Variants in SLC37A2 observed in about 807,000 individuals in gnomAD.
SLC37A2 encodes the protein solute carrier family 37 member 2, also known as glucose-6-phosphate exchanger SLC37A2.
A neutral mutation model predicts 70.7 loss-of-function variants in SLC37A2; 59 were observed. The ratio of observed to expected loss-of-function variants is 0.83; its 90% CI spans 0.68 to 1.04. SLC37A2 has a LOEUF of 1.04. SLC37A2 is among the 50% of genes least tolerant of loss of function. SLC37A2 has a pLI of 0.00. For synonymous variants in SLC37A2, 257 were observed against 262.1 expected, an observed-to-expected ratio of 0.98 and a Z score of 0.19; for missense variants, 580 against 658.1, an observed-to-expected ratio of 0.88 and a Z score of 1.30.
chr11:125,086,572 A>G, intron 17 of SLC37A2: 1 of 383,342 alleles, frequency 2.6e-6, no homozygotes. Context: ...TGCCTCCTGA[A>G]GTTCAGAAAC....
In SLC37A2 at chr11:125,090,089, G is replaced by A. The variant is rs1049113415; in HGVS notation, c.*1955G>A. 6.6e-6 allele frequency: 1 copy of A among 152,318 alleles called. No homozygotes were observed. Among genetic ancestry groups the A allele is most frequent in the Non-Finnish European group, 1.5e-5 (1 of 68,114 alleles). 9.4% of individuals were successfully genotyped at this position (152,318 alleles called of 1,614,324 possible). A position where few individuals can be genotyped will look rare whatever the true frequency, so the allele number is the denominator to read the frequency against. ...ACACTCTGTATCTAGCTGCTCTGGT[G>A]GGGCCTCGGAGAACCTTTATATCTA... On this transcript the variant is annotated 3_prime_UTR_variant, in exon 18 of 18. Transcript: ENST00000403796.
At position 125,080,867 on chromosome 11, in the gene SLC37A2, G is replaced by T. The variant is rs1949139435; in HGVS notation, c.694+87G>T. On this transcript the variant is annotated intron_variant, in intron 7 of 17. Coordinates refer to ENST00000403796, the MANE Select transcript of SLC37A2 (RefSeq NM_001145290.2). The surrounding 1 kb of genome is among the most constrained non-coding windows in gnomAD (Gnocchi z 4.3). The stretch of plus-strand genomic sequence containing the variant: ...AGCTGGATCTACTGGAAAGATTGCT[G>T]GTCACAGAGTGGGAGGACCAGCCGT... 3.3e-6 allele frequency: 4 copies of T among 1,230,700 alleles called. No individual in the cohort carries two copies. Among genetic ancestry groups the T allele is most frequent in the Non-Finnish European group, 4.2e-6 (4 of 948,020 alleles). 76.2% of individuals were successfully genotyped at this position (1,230,700 alleles called of 1,614,324 possible).
intron 1 of SLC37A2, among the ~76,000 whole-genome samples, chr11:125,076,396 C>T (rs1949087987): frequency 6.6e-6 from 1 of 152,174 alleles, no homozygotes; most frequent in African/African-American, 2.4e-5. Flanking sequence ...ACTCAAACTC[C>T]CTGCCCCCAC....
rs762491900 is a variant in SLC37A2, at chr11:125,079,143, T to G, written c.346T>G (p.Tyr116Asp). The G allele has an allele frequency of 1.9e-6, 3 of 1,614,132 alleles. No homozygotes were observed. In the South Asian group the frequency reaches 3.3e-5, roughly 18 times the overall value. The change falls in exon 5 of 18, where the codon TAC becomes GAC. Residue 116 changes from tyrosine to aspartate, a missense_variant. By Grantham distance (160) the Tyr-to-Asp change is radical. Coordinates refer to ENST00000403796, the MANE Select transcript of SLC37A2 (RefSeq NM_001145290.2). ...TTTTGGGGAGCGGCTTCCGCTCCGT[T>G]ACTACCTCTCAGCTGGAATGCTGCT... ...GVFGERLPLR[Y>D]YLSAGMLLSG...
At chr11:125,075,318 T>G (rs1949071721) in intron 1 of SLC37A2, among the ~76,000 whole-genome samples, 1 of 152,218 alleles carries the variant, frequency 6.6e-6, no homozygotes, top group Admixed American at 6.5e-5. Context: ...ATGAGCCATA[T>G]GGCAACAGGT....
intron 7 of SLC37A2, 83 bp from the exon 8 acceptor site, chr11:125,081,338 T>C: frequency 7.4e-7 from 1 of 1,353,520 alleles, no homozygotes; most frequent in Non-Finnish European, 1.0e-6. Context: ...TTAGATCCAG[T>C]GCAAGGTGAG....
intron 1 of SLC37A2, among the ~76,000 whole-genome samples, chr11:125,075,803 T>G (rs1228295068): frequency 6.6e-6 from 1 of 152,188 alleles, no homozygotes; most frequent in African/African-American, 2.4e-5. Flanking sequence ...GCCCTTGGGC[T>G]CTTGGAGCCA....
rs1436881367 is a variant in SLC37A2 at position 125,085,665 on chromosome 11, A to C, written c.1416A>C (p.Leu472=). 1.9e-6 allele frequency: 3 copies of C among 1,612,822 alleles called. No individual in the cohort carries two copies. Among genetic ancestry groups the C allele is most frequent in the African/African-American group, 2.7e-5 (2 of 74,954 alleles). Residue 472 remains leucine (L), a synonymous_variant, in exon 16 of 18, where the codon CTA becomes CTC. Transcript: ENST00000403796. ...ACATGCTCATCTCTGCCGACGTCCT[A>C]GCCTGCTTGGTAAGAGTCTTGGGGT... ...VFYMLISADV[L]ACLLLCRLVY...
chr11:125,082,389 T>C lies in SLC37A2; in HGVS notation c.976+55T>C, dbSNP rs546171648. On this transcript the variant is annotated intron_variant, in intron 10 of 17. Coordinates refer to ENST00000403796, the MANE Select transcript of SLC37A2 (RefSeq NM_001145290.2). The stretch of plus-strand genomic sequence containing the variant: ...TCTCTGAGGAGGCCAAGGCTGCCTC[T>C]GGTGGGAGAGGAAGCCCGTCGTGGT... The C allele has an allele frequency of 6.6e-6, 10 of 1,515,616 alleles. No homozygotes were observed. The South Asian group carries it at 1.1e-4, about 17-fold the overall frequency. The allele number at this position is 1,515,616 out of a possible 1,614,324, so 93.9% of individuals were successfully genotyped here.
In SLC37A2 at chr11:125,083,964, T is replaced by C; in HGVS notation, c.1039+87T>C. The C allele has an allele frequency of 7.5e-7, 1 of 1,336,302 alleles. No individual in the cohort carries two copies. Among genetic ancestry groups the C allele is most frequent in the Non-Finnish European group, 1.1e-6 (1 of 934,044 alleles). 82.8% of individuals were successfully genotyped at this position (1,336,302 alleles called of 1,614,324 possible). A position where few individuals can be genotyped will look rare whatever the true frequency, so the allele number is the denominator to read the frequency against. On this transcript the variant is annotated intron_variant, in intron 11 of 17. Coordinates refer to ENST00000403796, the MANE Select transcript of SLC37A2 (RefSeq NM_001145290.2). The surrounding 1 kb of genome is among the most constrained non-coding windows in gnomAD (Gnocchi z 4.6). The stretch of plus-strand genomic sequence containing the variant: ...AAGAAGGGACAGGTCCGATGGGCTA[T>C]GACCTGGGTAGGTGGCACCAGAGGA...
intron 1 of SLC37A2, among the ~76,000 whole-genome samples, chr11:125,068,279 G>A (rs987472929): frequency 6.6e-6 from 1 of 152,190 alleles, no homozygotes; most frequent in Admixed American, 6.5e-5. Flanking sequence ...GGATAAATGC[G>A]ATAATATAAG....
At chr11:125,074,378 T>C (rs1949061040) in intron 1 of SLC37A2, among the ~76,000 whole-genome samples, 2 of 152,006 alleles carry the variant, frequency 1.3e-5, no homozygotes, top group African/African-American at 2.4e-5. Context: ...ACGGATTCTC[T>C]TGCTAGTGCT....
At chr11:125,072,163 G>C (rs1472078276) in intron 1 of SLC37A2, among the ~76,000 whole-genome samples, 2 of 151,946 alleles carry the variant, frequency 1.3e-5, no homozygotes, top group East Asian at 3.9e-4. Context: ...TGGGGGTTTT[G>C]TTTGTTTGTT....
rs913125497 is a variant in SLC37A2 at position 125,086,862 on chromosome 11, C to G, written c.1490+844C>G. On this transcript the variant is annotated intron_variant, in intron 17 of 17. Transcript: ENST00000403796. ...TAATGAGCTGGCCGGAGCTGTGGAC[C>G]TGGGCTGGATGGCAAATGTGAGGAG... The G allele has an allele frequency of 5.6e-5, 9 of 161,684 alleles. No individual in the cohort carries two copies. The East Asian group carries it at 7.3e-4, about 13-fold the overall frequency. 10.0% of individuals were successfully genotyped at this position (161,684 alleles called of 1,614,324 possible). A position where few individuals can be genotyped will look rare whatever the true frequency, so the allele number is the denominator to read the frequency against.
Position 125,076,882 on chromosome 11 carries a change from C to T in SLC37A2, c.141+44C>T, listed in dbSNP as rs200612295. On this transcript the variant is annotated intron_variant, in intron 2 of 17. Transcript: ENST00000403796. ...AAGGAAGAGTGCAGAAGCACACTGT[C>T]GTAACCGTCCTTACCCCTTCCCATG... The T allele has an allele frequency of 1.8e-4, 287 of 1,593,068 alleles. 2 individuals carry two copies. In the South Asian group the frequency reaches 1.9e-3, roughly 10 times the overall value.
chr11:125,063,400 C>T lies in SLC37A2; in HGVS notation c.33C>T (p.Phe11=). ...CCTCCCTGGCTCCGGGAGTCTGGTT[C>T]TTCCGGGCCTTCTCCAGGGACAGCT... MRSSLAPGVW[F]FRAFSRDSWF... The change falls in exon 1 of 18, where the codon TTC becomes TTT. Residue 11 remains phenylalanine (F), a synonymous_variant. Transcript: ENST00000403796. This position sits in a 1 kb window ranked among gnomAD's most constrained non-coding sequence, Gnocchi z 5.4. 2.5e-6 allele frequency: 4 copies of T among 1,611,832 alleles called. No homozygotes were observed. Among genetic ancestry groups the T allele is most frequent in the Non-Finnish European group, 3.4e-6 (4 of 1,179,192 alleles).
chr11:125,076,549 A>G (rs1335297886), intron 1 of SLC37A2, among the ~76,000 whole-genome samples: 1 of 152,110 alleles, frequency 6.6e-6, no homozygotes, highest in African/African-American at 2.4e-5. Flanking sequence ...AGGCCTCAGG[A>G]GTTGGGACCA....
chr11:125,086,586 G>T, intron 17 of SLC37A2: 1 of 362,502 alleles, frequency 2.8e-6, no homozygotes, highest in Non-Finnish European at 5.2e-6. Flanking sequence ...CAGAAACCAA[G>T]GTCATCTGGC....
chr11:125,078,143 T>C (rs4074186), intron 4 of SLC37A2, among the ~76,000 whole-genome samples: 46,952 of 152,076 alleles, frequency 0.31, 7,690 homozygotes, highest in African/African-American at 0.41. Context: ...GCGGTGCAGA[T>C]GGAGACCTGG....
Sources: gnomAD v4.1 joint callset for allele counts (sites outside exome capture counted in the v4.1 genomes callset) on GRCh38, gnomAD v4.1.1 for gene constraint, Gnocchi (gnomAD v3.1) non-coding constraint, MANE v1.5 for transcripts, NCBI Gene and HGNC (gene_info 2026-07-23, HGNC 2026-07-21) for gene names.